The following CCDC88B variants were observed in gnomAD, a reference collection of about 807,000 sequenced individuals.
The protein encoded by CCDC88B is coiled-coil domain-containing protein 88B.
A neutral mutation model predicts 183.7 loss-of-function variants in CCDC88B; 138 were observed. The observed-to-expected ratio is 0.75, with a 90% confidence interval of 0.65 to 0.87. The LOEUF is 0.87. CCDC88B is among the 40% of genes least tolerant of loss of function. CCDC88B has a pLI of 0.00. For synonymous variants in CCDC88B, 835 were observed against 867.5 expected (o/e 0.96, Z 0.66); for missense variants, 1,822 against 1,965.6 (o/e 0.93, Z 1.38).
At position 64,342,514 on chromosome 11, in the gene CCDC88B, T is replaced by A; in HGVS notation, c.904-8T>A. The A allele has an allele frequency of 6.5e-7, 1 of 1,528,076 alleles. No individual in the cohort carries two copies. Among genetic ancestry groups the A allele is most frequent in the Non-Finnish European group, 8.8e-7 (1 of 1,141,968 alleles). 94.7% of individuals were successfully genotyped at this position (1,528,076 alleles called of 1,614,324 possible). A position where few individuals can be genotyped will look rare whatever the true frequency, so the allele number is the denominator to read the frequency against. On this transcript the variant is annotated splice_polypyrimidine_tract_variant and splice_region_variant and intron_variant, in intron 9 of 26. Transcript: ENST00000356786. ...TGGCTGTTCCCAGCTCCACACCGTC[T>A]GGCCCAGGCCCAGGCGCTGTCGGGA...
chr11:64,351,333 G>A, intron 17 of CCDC88B, 78 bp downstream of exon 17: 2 of 1,495,416 alleles, frequency 1.3e-6, no homozygotes, highest in Non-Finnish European at 1.8e-6. Flanking sequence ...ACCCTGGGCT[G>A]GGGGGTATCC....
At chr11:64,351,034 TGG>T in intron 16 of CCDC88B, 124 bp from the exon 17 acceptor site, 1 of 586,560 alleles carries the variant, frequency 1.7e-6, no homozygotes, top group South Asian at 2.6e-5. Flanking sequence ...AGGGAAGGCA[TGG>T]GATTGGGGCG....
chr11:64,347,313 G>T (rs1187102726), intron 14 of CCDC88B, among the ~76,000 whole-genome samples: 1 of 152,200 alleles, frequency 6.6e-6, no homozygotes, highest in Non-Finnish European at 1.5e-5. Flanking sequence ...GAGCAAAGTG[G>T]TCAGGTCTGC....
intron 19 of CCDC88B, 63 bp downstream of exon 19, chr11:64,352,449 C>T (rs2036375653): frequency 6.8e-7 from 1 of 1,472,492 alleles, no homozygotes; most frequent in South Asian, 1.3e-5. Flanking sequence ...GAAGACTCCC[C>T]TCAGCAGGTC....
At chr11:64,341,550 G>A (rs780428012) in intron 6 of CCDC88B, 46 bp downstream of exon 6, 1 of 1,611,342 alleles carries the variant, frequency 6.2e-7, no homozygotes, top group South Asian at 1.1e-5. Flanking sequence ...CACCTGGGAC[G>A]CCCTTGCCAC....
At position 64,354,107 on chromosome 11, in the gene CCDC88B, A is replaced by T; in HGVS notation, c.4036A>T (p.Thr1346Ser). 1.4e-6 allele frequency: 2 copies of T among 1,386,560 alleles called. No individual in the cohort carries two copies. The highest frequency in any genetic ancestry group is 3.9e-5 in the South Asian group (2 of 51,182). 85.9% of individuals were successfully genotyped at this position (1,386,560 alleles called of 1,614,324 possible). The change falls in exon 24 of 27, where the codon ACC becomes TCC. Residue 1346 changes from threonine to serine, a missense_variant. Transcript: ENST00000356786. ...CCTGGGGGCCGATGGGGCTGGCAGC[A>T]CCGAGAGCCTGGGGGGCCCCCCGGA... ...LRLGADGAGS[T>S]ESLGGPPETE...
At position 64,344,091 on chromosome 11, in the gene CCDC88B, G is replaced by A; in HGVS notation, c.1550G>A (p.Gly517Asp). The change falls in exon 14 of 27, where the codon GGC (glycine) becomes GAC (aspartate). Residue 517 changes from glycine (G) to aspartate (D), a missense_variant. Gly to Asp is a moderately conservative substitution (Grantham distance 94, BLOSUM62 -1). Transcript: ENST00000356786. The surrounding 1 kb of genome is among the most constrained non-coding windows in gnomAD (Gnocchi z 4.5). ...GTGGCCTTCGACCACAGCCCTCAGG[G>A]CTTGGTTCAGAAGGCAAGGGATGGA... ...TPVAFDHSPQ[G>D]LVQKARDGGP... is the part of the protein sequence containing the mutation. 6.2e-7 allele frequency: 1 copy of A among 1,612,846 alleles called. No homozygotes were observed. Among genetic ancestry groups the A allele is most frequent in the Non-Finnish European group, 8.5e-7 (1 of 1,179,610 alleles).
rs2036251178 is a variant in CCDC88B, at chr11:64,349,594, G to A, written c.2788G>A (p.Ala930Thr). 1 of 1,601,172 alleles carries A rather than the reference G, an allele frequency of 6.2e-7. No homozygotes were observed. The highest frequency in any genetic ancestry group is 8.5e-7 in the Non-Finnish European group (1 of 1,175,480). ...EQRLEAELQAAATSKEEALME... is the reference protein window; with the variant it reads ...EQRLEAELQATATSKEEALME... ...GCGGCTGGAAGCTGAGCTGCAGGCGGCGGCGACCAGCAAGGAGGAGGCGCT... is the reference window on the plus strand; with the variant it reads ...GCGGCTGGAAGCTGAGCTGCAGGCGACGGCGACCAGCAAGGAGGAGGCGCT... The change falls in exon 16 of 27, where the codon GCG becomes ACG. Residue 930 changes from alanine to threonine, a missense_variant. Coordinates refer to ENST00000356786, the MANE Select transcript of CCDC88B (RefSeq NM_032251.6).
intron 14 of CCDC88B, chr11:64,348,980 C>T (rs917075755): frequency 1.4e-6 from 1 of 717,552 alleles, no homozygotes; most frequent in African/African-American, 1.7e-5. Flanking sequence ...CTCGCTGTCA[C>T]ATGGCTGGGG....
intron 2 of CCDC88B, 56 bp downstream of exon 2, chr11:64,340,808 G>A: frequency 6.4e-7 from 1 of 1,557,986 alleles, no homozygotes; most frequent in Non-Finnish European, 8.7e-7. Context: ...GAGGGGAAGC[G>A]GGTGGGCGGA....
intron 14 of CCDC88B, 147 bp from the exon 15 acceptor site, chr11:64,349,184 A>G (rs1280874380): frequency 3.0e-5 from 28 of 931,204 alleles, no homozygotes; most frequent in East Asian, 2.7e-4. Context: ...CTCCCATTTT[A>G]TAGATGGGGA....
At position 64,357,133 on chromosome 11, in the gene CCDC88B, G is replaced by T. The variant is rs202018582; in HGVS notation, c.*39G>T. On this transcript the variant is annotated 3_prime_UTR_variant, in exon 27 of 27. Coordinates refer to ENST00000356786, the MANE Select transcript of CCDC88B (RefSeq NM_032251.6). ...GCAGGCTTGGGAGTGCAGCCTTCTC[G>T]GCACTGGAGTGTCAGCGGAGGCCCC... 1.2e-6 allele frequency: 2 copies of T among 1,611,670 alleles called. No homozygotes were observed. The highest frequency in any genetic ancestry group is 2.2e-5 in the South Asian group (2 of 91,046).
chr11:64,348,810 C>T, intron 14 of CCDC88B: 1 of 587,314 alleles, frequency 1.7e-6, no homozygotes. Context: ...GCCCAACCGC[C>T]AAAGGCCACA....
Position 64,344,644 on chromosome 11 carries a change from G to A in CCDC88B, c.2103G>A (p.Lys701=), listed in dbSNP as rs765009987. The A allele has an allele frequency of 3.2e-5, 51 of 1,613,806 alleles. No homozygotes were observed. The highest frequency in any genetic ancestry group is 4.1e-5 in the Non-Finnish European group (48 of 1,179,930). The change falls in exon 14 of 27, where the codon AAG becomes AAA. Residue 701 remains lysine (K), a synonymous_variant. Coordinates refer to ENST00000356786, the MANE Select transcript of CCDC88B (RefSeq NM_032251.6). The surrounding 1 kb of genome is among the most constrained non-coding windows in gnomAD (Gnocchi z 4.5). ...CAGCCTGGCAAAAACCACAGCAGAA[G>A]TCAGAAGGGGCTCTTGAGGTCCAGG... is the stretch of plus-strand genomic sequence containing the variant. The part of the protein sequence containing the change: ...RDPAWQKPQQ[K]SEGALEVQVW...
chr11:64,354,008 G>A lies in CCDC88B; in HGVS notation c.3937G>A (p.Gly1313Ser). Residue 1313 changes from glycine (G) to serine (S), a missense_variant, in exon 24 of 27, where the codon GGC (glycine) becomes AGC (serine). Gly to Ser is a moderately conservative substitution (Grantham distance 56). Coordinates refer to ENST00000356786, the MANE Select transcript of CCDC88B (RefSeq NM_032251.6). ...EPVPLPRTKK[G>S]SWLADKVKRL... ...CTTGTGCCCTCTTGCCCCCAGGAAG[G>A]GCAGCTGGCTGGCAGACAAGGTGAA... 6.8e-7 allele frequency: 1 copy of A among 1,480,258 alleles called. No individual in the cohort carries two copies. The allele number at this position is 1,480,258 out of a possible 1,614,324, so 91.7% of individuals were successfully genotyped here.
intron 24 of CCDC88B, 39 bp from the exon 25 acceptor site, chr11:64,355,155 C>T (rs760337695): frequency 6.6e-6 from 9 of 1,356,950 alleles, no homozygotes; most frequent in Middle Eastern, 2.4e-4. Flanking sequence ...CAGCTCCCGT[C>T]CCCTCCTCTC....
chr11:64,348,939 C>G (rs1309408278), intron 14 of CCDC88B: 1 of 709,414 alleles, frequency 1.4e-6, no homozygotes, highest in Admixed American at 2.0e-5. Flanking sequence ...GTCTCTCACC[C>G]GACCCACCTC....
intron 26 of CCDC88B, 143 bp downstream of exon 26, chr11:64,355,771 G>C (rs1458595555): frequency 9.7e-6 from 7 of 720,064 alleles, no homozygotes; most frequent in Non-Finnish European, 1.6e-5. Context: ...AGCAGGGAAC[G>C]TTCTGGTGTG....
intron 14 of CCDC88B, among the ~76,000 whole-genome samples, chr11:64,347,484 T>C (rs994250527): frequency 6.6e-6 from 1 of 152,078 alleles, no homozygotes; most frequent in Admixed American, 6.6e-5. Flanking sequence ...GGAAGAGTAA[T>C]TTGCTCAGAG....
Sources: gnomAD v4.1 joint callset for allele counts (sites outside exome capture counted in the v4.1 genomes callset) on GRCh38, gnomAD v4.1.1 for gene constraint, Gnocchi (gnomAD v3.1) non-coding constraint, MANE v1.5 for transcripts, NCBI Gene and HGNC (gene_info 2026-07-23, HGNC 2026-07-21) for gene names.